The following ANK3 variants were observed in gnomAD, a reference collection of about 807,000 sequenced individuals.
ANK3 encodes the protein ankyrin 3.
In ANK3, 57 loss-of-function variants were observed where a neutral mutation model predicts 370.9. That is an observed-to-expected ratio of 0.15 (90% CI 0.12 to 0.19). The LOEUF (loss-of-function observed/expected upper bound fraction) is 0.19. Among genes scored for constraint, ANK3 ranks in the 10% least tolerant of loss-of-function variants. The pLI is 1.00. For missense variants in ANK3, 4,439 were observed against 5,302.1 expected (o/e 0.84, Z 5.06); for synonymous variants, 1,929 against 1,946.3 (o/e 0.99, Z 0.23).
chr10:60,255,071 C>T (rs1366287721), intron 7 of ANK3, among the ~76,000 whole-genome samples: 9 of 152,086 alleles, frequency 5.9e-5, no homozygotes, highest in Admixed American at 3.9e-4. Context: ...TACATTTTTA[C>T]TTTAGCCCTC....
intron 1 of ANK3, among the ~76,000 whole-genome samples, chr10:60,728,223 G>C (rs2079970149): frequency 6.6e-6 from 1 of 152,084 alleles, no homozygotes; most frequent in East Asian, 1.9e-4. Context: ...ATTCTCAATT[G>C]TTCTCCACCT....
At chr10:60,044,325 A>G in intron 42 of ANK3, 1 of 984,244 alleles carries the variant, frequency 1.0e-6, no homozygotes, top group South Asian at 4.7e-5. Flanking sequence ...CAGATTCACC[A>G]GGAATGTTTT....
At chr10:60,529,343 AAC>A (rs927472629) in intron 2 of ANK3, among the ~76,000 whole-genome samples, 16 of 152,314 alleles carry the variant, frequency 1.1e-4, no homozygotes, top group African/African-American at 3.6e-4. Flanking sequence ...CCTAGGCATA[AAC>A]ACAATGAGAG....
intron 1 of ANK3, among the ~76,000 whole-genome samples, chr10:60,714,969 T>A (rs1029879162): frequency 6.6e-6 from 1 of 152,218 alleles, no homozygotes; most frequent in Non-Finnish European, 1.5e-5. Flanking sequence ...TGAACACTGA[T>A]GTAAACTATG....
intron 2 of ANK3, among the ~76,000 whole-genome samples, chr10:60,433,560 G>A (rs550131794): frequency 6.6e-6 from 1 of 152,036 alleles, no homozygotes; most frequent in African/African-American, 2.4e-5. Flanking sequence ...GCCACCGCAC[G>A]ATCGTGCCAC....
chr10:60,309,015 C>G (rs933196467), intron 1 of ANK3, among the ~76,000 whole-genome samples: 1 of 152,164 alleles, frequency 6.6e-6, no homozygotes, highest in East Asian at 1.9e-4. Context: ...ATCCTGCTCC[C>G]CTTCCTTAAC....
At chr10:60,236,085 G>A (rs1035589955) in intron 7 of ANK3, among the ~76,000 whole-genome samples, 3 of 151,998 alleles carry the variant, frequency 2.0e-5, no homozygotes, top group African/African-American at 4.8e-5. Flanking sequence ...AACTTCAAGT[G>A]CTCCTTACCC....
chr10:60,485,277 C>T (rs1017269467), intron 2 of ANK3, among the ~76,000 whole-genome samples: 2 of 151,630 alleles, frequency 1.3e-5, no homozygotes, highest in African/African-American at 4.9e-5. Flanking sequence ...GATCCCAGTG[C>T]TCACCAGAGA....
intron 2 of ANK3, among the ~76,000 whole-genome samples, chr10:60,468,552 T>C (rs566086731): frequency 6.6e-6 from 1 of 152,162 alleles, no homozygotes; most frequent in Admixed American, 6.6e-5. Context: ...TCTCCTCCTA[T>C]TCCAACCAAA....
intron 2 of ANK3, among the ~76,000 whole-genome samples, chr10:60,476,127 T>C (rs2133091716): frequency 6.6e-6 from 1 of 152,320 alleles, no homozygotes. Flanking sequence ...ATGTTTGTTA[T>C]GAATCTGGTA....
chr10:60,027,924 T>C lies in ANK3; in HGVS notation c.*1922A>G, dbSNP rs1168560351. On this transcript the variant is annotated 3_prime_UTR_variant, in exon 44 of 44. Coordinates refer to ENST00000280772, the MANE Select transcript of ANK3 (RefSeq NM_020987.5). ...GGACAACTTGGCTCTAGCAGGTTGT[T>C]ACCTTCTGGGAATGAGGTCCATTGT... 1 of 152,224 alleles carries C rather than the reference T, an allele frequency of 6.6e-6. No individual in the cohort carries two copies. The highest frequency in any genetic ancestry group is 2.4e-5 in the African/African-American group (1 of 41,458). The allele number at this position is 152,224 out of a possible 1,614,324, so 9.4% of individuals were successfully genotyped here.
At chr10:60,330,298 A>G (rs1249387008) in intron 1 of ANK3, among the ~76,000 whole-genome samples, 1 of 152,238 alleles carries the variant, frequency 6.6e-6, no homozygotes, top group Non-Finnish European at 1.5e-5. Flanking sequence ...TAATTAAACT[A>G]AAGAGCTTCT....
chr10:60,450,140 T>TA (rs1157781584), intron 2 of ANK3, among the ~76,000 whole-genome samples: 1 of 151,708 alleles, frequency 6.6e-6, no homozygotes. Context: ...CTACAAAAAA[T>TA]AAAAAATTAG....
At position 60,389,843 on chromosome 10, in the gene ANK3, T is replaced by G. The variant is rs2062946696; in HGVS notation, c.-305A>C. On this transcript the variant is annotated 5_prime_UTR_variant, in exon 1 of 44. Coordinates refer to ENST00000280772, the MANE Select transcript of ANK3 (RefSeq NM_020987.5). The stretch of plus-strand genomic sequence containing the variant: ...GGGACAGAGGAAGCTGTATTATGGC[T>G]GTATCCCCTGCCACCAGCTGGAAGT... 1 of 1,102,758 alleles carries G rather than the reference T, an allele frequency of 9.1e-7. No individual in the cohort carries two copies. Among genetic ancestry groups the G allele is most frequent in the Non-Finnish European group, 1.1e-6 (1 of 905,462 alleles). The allele number at this position is 1,102,758 out of a possible 1,614,324, so 68.3% of individuals were successfully genotyped here.
intron 26 of ANK3, among the ~76,000 whole-genome samples, chr10:60,110,563 G>A (rs889271478): frequency 1.3e-5 from 2 of 152,086 alleles, no homozygotes; most frequent in Non-Finnish European, 2.9e-5. Flanking sequence ...CAAAGAAAAA[G>A]ATACTTGTTC....
intron 23 of ANK3, among the ~76,000 whole-genome samples, chr10:60,143,712 A>G (rs1433756653): frequency 6.6e-6 from 1 of 152,212 alleles, no homozygotes; most frequent in African/African-American, 2.4e-5. Context: ...ATGCCCTTGC[A>G]TAGTACCCCT....
chr10:60,407,180 C>T (rs1200340453), intron 2 of ANK3, among the ~76,000 whole-genome samples: 1 of 152,144 alleles, frequency 6.6e-6, no homozygotes, highest in Non-Finnish European at 1.5e-5. Flanking sequence ...TTGAGTTTCT[C>T]TCAGGTCACT....
intron 1 of ANK3, among the ~76,000 whole-genome samples, chr10:60,293,185 CAG>C (rs762425026): frequency 5.3e-5 from 8 of 152,162 alleles, no homozygotes; most frequent in Admixed American, 3.3e-4. Context: ...CCTTGTTTAC[CAG>C]AGAGAGTGGC....
At chr10:60,499,837 T>C (rs970589804) in intron 2 of ANK3, among the ~76,000 whole-genome samples, 1 of 152,200 alleles carries the variant, frequency 6.6e-6, no homozygotes, top group African/African-American at 2.4e-5. Flanking sequence ...TCTGTACCCA[T>C]TAGTTGGCTT....
Sources: gnomAD v4.1 joint callset for allele counts (sites outside exome capture counted in the v4.1 genomes callset) on GRCh38, gnomAD v4.1.1 for gene constraint, MANE v1.5 for transcripts, NCBI Gene and HGNC (gene_info 2026-07-23, HGNC 2026-07-21) for gene names.